Variants in RSRC1 observed in about 807,000 individuals in gnomAD.
RSRC1 encodes the protein arginine and serine rich coiled-coil 1, also known as serine/Arginine-related protein 53.
In RSRC1, 39 loss-of-function variants were observed where a neutral mutation model predicts 49.1. The ratio of observed to expected loss-of-function variants is 0.79; its 90% CI spans 0.61 to 1.04. RSRC1 has a LOEUF of 1.04. RSRC1 is among the 50% of genes least tolerant of loss of function. RSRC1 has a pLI of 0.00. For missense variants in RSRC1, 388 were observed against 402.4 expected (o/e 0.96, Z 0.31); for synonymous variants, 143 against 130.8 (o/e 1.09, Z -0.63).
chr3:158,156,551 T>G (rs1487154945), intron 3 of RSRC1, among the ~76,000 whole-genome samples: 1 of 152,210 alleles, frequency 6.6e-6, no homozygotes, highest in Non-Finnish European at 1.5e-5. Flanking sequence ...ATGCCTTCCT[T>G]GCAAAGCTTA....
At chr3:158,111,475 A>C (rs920202169) in intron 1 of RSRC1, among the ~76,000 whole-genome samples, 1 of 152,258 alleles carries the variant, frequency 6.6e-6, no homozygotes, top group African/African-American at 2.4e-5. Context: ...TCCTGCTTTC[A>C]TGTTCAAACC....
intron 7 of RSRC1, among the ~76,000 whole-genome samples, chr3:158,516,422 C>G (rs1341650681): frequency 6.6e-6 from 1 of 152,090 alleles, no homozygotes; most frequent in Non-Finnish European, 1.5e-5. Flanking sequence ...GGTCAGGGGT[C>G]AGGGACCCAC....
chr3:158,297,480 T>C (rs1727297653), intron 4 of RSRC1, among the ~76,000 whole-genome samples: 1 of 151,996 alleles, frequency 6.6e-6, no homozygotes, highest in African/African-American at 2.4e-5. Flanking sequence ...ATTTGTAGTG[T>C]GCATTAAATT....
intron 3 of RSRC1, among the ~76,000 whole-genome samples, chr3:158,191,785 C>G (rs1370922144): frequency 1.3e-5 from 2 of 151,828 alleles, no homozygotes; most frequent in African/African-American, 2.4e-5. Flanking sequence ...GTTTCTTTGG[C>G]TTTTTGTTTG....
chr3:158,542,300 G>C (rs1339537000), intron 8 of RSRC1, among the ~76,000 whole-genome samples: 5 of 152,206 alleles, frequency 3.3e-5, no homozygotes, highest in Admixed American at 6.5e-5. Context: ...GGAGGCCAAG[G>C]CGGGCTGATC....
chr3:158,136,047 G>A (rs1201286474), intron 3 of RSRC1, among the ~76,000 whole-genome samples: 1 of 152,172 alleles, frequency 6.6e-6, no homozygotes. Context: ...TATAGATTGA[G>A]CTGTAAGCTT....
intron 4 of RSRC1, among the ~76,000 whole-genome samples, chr3:158,210,014 T>A (rs1437692625): frequency 1.3e-5 from 2 of 152,090 alleles, no homozygotes; most frequent in Non-Finnish European, 2.9e-5. Context: ...ACCTAGTGAT[T>A]GGTAGAAGAT....
At chr3:158,191,646 A>T (rs1720252780) in intron 3 of RSRC1, among the ~76,000 whole-genome samples, 2 of 152,108 alleles carry the variant, frequency 1.3e-5, no homozygotes, top group South Asian at 4.1e-4. Context: ...CACATTTTTT[A>T]TCAAATGTTT....
chr3:158,324,708 T>A lies in RSRC1; in HGVS notation c.531+26633T>A, dbSNP rs1399884249. On this transcript the variant is annotated intron_variant, in intron 5 of 9. Transcript: ENST00000611884. ...CAATAAACATACGTGTGCATGTGTC[T>A]TTATAGCAGCATGATTTATAATCCT... 2.0e-5 allele frequency among the ~76,000 whole-genome samples: 3 copies of A among 152,316 alleles called. No homozygotes were observed. In the South Asian group the frequency reaches 6.2e-4, roughly 32 times the overall value.
intron 6 of RSRC1, among the ~76,000 whole-genome samples, chr3:158,449,947 A>G (rs1209809141): frequency 6.6e-6 from 1 of 152,016 alleles, no homozygotes; most frequent in Admixed American, 6.6e-5. Context: ...CATTGCAACT[A>G]TAATTGACGT....
rs1436771443 is a variant in RSRC1, at chr3:158,144,416, A to G, written c.320+20425A>G. On this transcript the variant is annotated intron_variant, in intron 3 of 9. Transcript: ENST00000611884. ...TTTTTGTCCTTGCGATAGTTTGCTG[A>G]GAATGATGGTTTCCAGCTTCATCCA... is the stretch of plus-strand genomic sequence containing the variant. 2.6e-5 allele frequency among the ~76,000 whole-genome samples: 4 copies of G among 152,052 alleles called. 1 individual carries two copies. Among genetic ancestry groups the G allele is most frequent in the African/African-American group, 9.7e-5 (4 of 41,386 alleles).
intron 3 of RSRC1, among the ~76,000 whole-genome samples, chr3:158,141,816 G>A (rs1394470901): frequency 1.3e-5 from 2 of 152,066 alleles, no homozygotes; most frequent in African/African-American, 4.8e-5. Flanking sequence ...AAGATTTCTC[G>A]GCCAGGCGTG....
At chr3:158,224,582 G>C (rs1421342414) in intron 4 of RSRC1, among the ~76,000 whole-genome samples, 1 of 151,774 alleles carries the variant, frequency 6.6e-6, no homozygotes, top group East Asian at 1.9e-4. Flanking sequence ...AGGAATTAAA[G>C]GCTTTCTCAT....
intron 4 of RSRC1, among the ~76,000 whole-genome samples, chr3:158,206,989 A>G (rs989281629): frequency 2.6e-5 from 4 of 152,158 alleles, no homozygotes; most frequent in Non-Finnish European, 4.4e-5. Context: ...CATTTGACAT[A>G]TATTATCTCA....
intron 5 of RSRC1, among the ~76,000 whole-genome samples, chr3:158,316,438 ATTTTTTTTTTT>A (rs564633575): frequency 6.9e-5 from 5 of 72,220 alleles, no homozygotes; most frequent in Non-Finnish European, 9.4e-5. Context: ...AGAATCTCTC[ATTTTTTTTTTT>A]TTTTTTTTTT....
chr3:158,407,700 A>G (rs1380020226), intron 6 of RSRC1, among the ~76,000 whole-genome samples: 5 of 152,226 alleles, frequency 3.3e-5, no homozygotes, highest in Non-Finnish European at 7.3e-5. Context: ...TTGCTTCATT[A>G]ATAATAGTTC....
intron 1 of RSRC1, 107 bp downstream of exon 1, chr3:158,110,330 TGTCTGTGGAGG>T (rs1714284353): frequency 6.6e-6 from 1 of 152,418 alleles, no homozygotes; most frequent in African/African-American, 2.4e-5. Context: ...TGCGGCTCAG[TGTCTGTGGAGG>T]GTGGGCTGCG....
At chr3:158,332,333 G>A (rs1729594074) in intron 5 of RSRC1, among the ~76,000 whole-genome samples, 1 of 152,134 alleles carries the variant, frequency 6.6e-6, no homozygotes, top group Admixed American at 6.5e-5. Flanking sequence ...ATCCGTGTTT[G>A]ATCATCTATA....
intron 7 of RSRC1, among the ~76,000 whole-genome samples, chr3:158,514,931 G>A (rs1560072108): frequency 6.6e-6 from 1 of 151,934 alleles, no homozygotes. Context: ...CAGAGAGTAG[G>A]ATTGCAACCC....
Sources: allele counts gnomAD v4.1 joint callset (sites outside exome capture counted in the v4.1 genomes callset), GRCh38; gene constraint gnomAD v4.1.1; transcripts MANE v1.5; gene names NCBI Gene and HGNC (gene_info 2026-07-23, HGNC 2026-07-21).